MLLT10: variants seen among roughly 807,000 people sequenced by gnomAD.
The protein encoded by MLLT10 is protein AF-10.
In MLLT10, 30 loss-of-function variants were observed where a neutral mutation model predicts 129.1. The ratio of observed to expected loss-of-function variants is 0.23; its 90% CI spans 0.17 to 0.32. The LOEUF is 0.32. Ranked by LOEUF, MLLT10 falls within the 10% of genes least tolerant of loss-of-function variation. The pLI, the probability that MLLT10 is intolerant of heterozygous loss-of-function variation, is 1.00. For synonymous variants in MLLT10, 490 were observed against 446.4 expected (o/e 1.10, Z -1.23); for missense variants, 1,119 against 1,268.3 (o/e 0.88, Z 1.79).
chr10:21,654,847 A>G (rs1439099339), intron 9 of MLLT10, among the ~76,000 whole-genome samples: 8 of 152,112 alleles, frequency 5.3e-5, no homozygotes, highest in Admixed American at 2.0e-4. Context: ...GAGGGATAGT[A>G]TATACTGGTT....
At chr10:21,716,033 G>A (rs149440277) in intron 14 of MLLT10, among the ~76,000 whole-genome samples, 20 of 152,350 alleles carry the variant, frequency 1.3e-4, no homozygotes, top group African/African-American at 3.1e-4. Context: ...ACTGAGGCAC[G>A]TTGACCTCTC....
At chr10:21,706,536 T>C (rs1245602366) in intron 13 of MLLT10, among the ~76,000 whole-genome samples, 3 of 152,208 alleles carry the variant, frequency 2.0e-5, no homozygotes, top group African/African-American at 7.2e-5. Flanking sequence ...TCTCTCGGGA[T>C]GTGGGTTAGG....
chr10:21,555,225 T>C (rs575506357), intron 3 of MLLT10, among the ~76,000 whole-genome samples: 1 of 152,134 alleles, frequency 6.6e-6, no homozygotes, highest in Non-Finnish European at 1.5e-5. Flanking sequence ...TTAAATTTAA[T>C]TTAATTTTAT....
intron 3 of MLLT10, among the ~76,000 whole-genome samples, chr10:21,564,070 C>T (rs2039219380): frequency 6.6e-6 from 1 of 152,100 alleles, no homozygotes; most frequent in Non-Finnish European, 1.5e-5. Flanking sequence ...CCTTGGCCTC[C>T]CAAAGTGCCG....
intron 14 of MLLT10, among the ~76,000 whole-genome samples, chr10:21,714,812 G>T (rs567767958): frequency 1.3e-5 from 2 of 152,120 alleles, no homozygotes; most frequent in African/African-American, 2.4e-5. Flanking sequence ...GATTACAGGC[G>T]TGAGCCACCA....
chr10:21,534,280 C>T lies in MLLT10; in HGVS notation c.-241C>T, dbSNP rs1190004842. The T allele has an allele frequency of 5.1e-6, 2 of 395,920 alleles. No individual in the cohort carries two copies. The highest frequency in any genetic ancestry group is 7.1e-5 in the East Asian group (2 of 28,134). 24.5% of individuals were successfully genotyped at this position (395,920 alleles called of 1,614,324 possible). On this transcript the variant is annotated 5_prime_UTR_variant, in exon 1 of 23. Coordinates refer to ENST00000307729, the MANE Select transcript of MLLT10 (RefSeq NM_001195626.3). ...GGAGGAAGCGCAGCCCCCTTCCCCT[C>T]CCTCGCTGCCCCTGGCCCAGCGGGA...
intron 3 of MLLT10, among the ~76,000 whole-genome samples, chr10:21,576,344 G>C (rs778979501): frequency 5.3e-5 from 8 of 150,428 alleles, no homozygotes; most frequent in Non-Finnish European, 1.0e-4. Context: ...CCAGGTTCAC[G>C]CCATTCTCCT....
rs372025815 is a variant in MLLT10 at position 21,534,813 on chromosome 10, C to T, written c.160+9C>T. On this transcript the variant is annotated intron_variant, in intron 2 of 22. Transcript: ENST00000307729. Reference sequence around the variant, plus strand: ...CGTCGCGGTGCATCAAGGTAAACACCCAACCGCCCGCCGGGGCGCGCCGGC... The same window carrying T: ...CGTCGCGGTGCATCAAGGTAAACACTCAACCGCCCGCCGGGGCGCGCCGGC... 4 of 1,583,646 alleles carry T rather than the reference C, an allele frequency of 2.5e-6. 1 individual carries two copies. The East Asian group carries it at 9.5e-5, about 37-fold the overall frequency.
intron 10 of MLLT10, 139 bp downstream of exon 10, chr10:21,670,843 ATTACT>A: frequency 1.0e-6 from 1 of 968,880 alleles, no homozygotes; most frequent in Non-Finnish European, 1.4e-6. Context: ...CTTTAGTAAG[ATTACT>A]TTAAAGATAG....
At chr10:21,602,500 A>C (rs1172847206) in intron 5 of MLLT10, among the ~76,000 whole-genome samples, 1 of 152,232 alleles carries the variant, frequency 6.6e-6, no homozygotes, top group African/African-American at 2.4e-5. Context: ...AGTGATGAAG[A>C]AACAAAGGAA....
At chr10:21,611,157 CGGCT>C (rs1001396872) in intron 5 of MLLT10, among the ~76,000 whole-genome samples, 9 of 149,208 alleles carry the variant, frequency 6.0e-5, no homozygotes, top group African/African-American at 2.2e-4. Context: ...CCACCATGCC[CGGCT>C]ATTTTTTTTT....
At position 21,668,283 on chromosome 10, in the gene MLLT10, A is replaced by G. The variant is rs368381804; in HGVS notation, c.796-2166A>G. Among the ~76,000 whole-genome samples the G allele has an allele frequency of 4.6e-5, 7 of 152,270 alleles. No homozygotes were observed. The East Asian group carries it at 1.3e-3, about 29-fold the overall frequency. On this transcript the variant is annotated intron_variant, in intron 9 of 22. Transcript: ENST00000307729. Reference sequence around the variant, plus strand: ...TGGGCTTACTCATAGTGTGTCTTTCAGCCATCTCCCACCTCCTTCTGGTCT... The same window carrying G: ...TGGGCTTACTCATAGTGTGTCTTTCGGCCATCTCCCACCTCCTTCTGGTCT...
At chr10:21,657,714 T>TA (rs1391620463) in intron 9 of MLLT10, among the ~76,000 whole-genome samples, 1 of 152,190 alleles carries the variant, frequency 6.6e-6, no homozygotes, top group Non-Finnish European at 1.5e-5. Flanking sequence ...GCACCAGAGA[T>TA]ACGTGATCAG....
At chr10:21,695,418 C>T (rs928637129) in intron 13 of MLLT10, among the ~76,000 whole-genome samples, 7 of 152,140 alleles carry the variant, frequency 4.6e-5, no homozygotes, top group Admixed American at 1.3e-4. Context: ...CCTAGATTAG[C>T]GTTTCATTGA....
chr10:21,548,462 C>T (rs562559941), intron 3 of MLLT10, among the ~76,000 whole-genome samples: 55 of 151,730 alleles, frequency 3.6e-4, no homozygotes, highest in African/African-American at 1.2e-3. Flanking sequence ...CTCCGCCTCC[C>T]GGGTTCACGC....
intron 8 of MLLT10, among the ~76,000 whole-genome samples, chr10:21,627,061 G>T (rs969430289): frequency 6.6e-6 from 1 of 151,930 alleles, no homozygotes; most frequent in African/African-American, 2.4e-5. Flanking sequence ...TAAACTTTTG[G>T]TTTTTTCAAT....
intron 13 of MLLT10, among the ~76,000 whole-genome samples, chr10:21,684,234 T>C (rs2053049635): frequency 6.6e-6 from 1 of 152,182 alleles, no homozygotes; most frequent in South Asian, 2.1e-4. Flanking sequence ...TAGTCCTTGA[T>C]TGTTTTTTCT....
chr10:21,575,570 C>A lies in MLLT10; in HGVS notation c.241-10724C>A, dbSNP rs184398119. On this transcript the variant is annotated intron_variant, in intron 3 of 22. Coordinates refer to ENST00000307729, the MANE Select transcript of MLLT10 (RefSeq NM_001195626.3). ...TAATCTGTATGATTTCCATTATTTT[C>A]ATTTTATTGTGTCCTGCTTTATGGC... Among the ~76,000 whole-genome samples the A allele has an allele frequency of 6.6e-5, 10 of 152,222 alleles. No homozygotes were observed. The East Asian group carries it at 1.9e-3, about 29-fold the overall frequency.
intron 9 of MLLT10, among the ~76,000 whole-genome samples, chr10:21,657,372 G>A (rs151135636): frequency 1.5e-5 from 2 of 130,582 alleles, no homozygotes; most frequent in East Asian, 2.3e-4. Context: ...CAGACTGGGC[G>A]ACAGAGCGAG....
Sources: allele counts gnomAD v4.1 joint callset (sites outside exome capture counted in the v4.1 genomes callset), GRCh38; gene constraint gnomAD v4.1.1; transcripts MANE v1.5; gene names NCBI Gene and HGNC (gene_info 2026-07-23, HGNC 2026-07-21).